The following CALN1 variants were observed in gnomAD, a reference collection of about 807,000 sequenced individuals.
CALN1 encodes calneuron 1.
A neutral mutation model predicts 30.6 loss-of-function variants in CALN1; 17 were observed. The ratio of observed to expected loss-of-function variants is 0.56; its 90% CI spans 0.38 to 0.83. The LOEUF is 0.83. Ranked by LOEUF, CALN1 falls within the 40% of genes least tolerant of loss-of-function variation. The pLI, the probability that CALN1 is intolerant of heterozygous loss-of-function variation, is 0.00. For synonymous variants in CALN1, 156 were observed against 131.4 expected (o/e 1.19, Z -1.28); for missense variants, 291 against 354.9 (o/e 0.82, Z 1.45).
chr7:71,911,986 T>C (rs1223514793), intron 5 of CALN1, among the ~76,000 whole-genome samples: 2 of 151,962 alleles, frequency 1.3e-5, no homozygotes, highest in African/African-American at 4.8e-5. Context: ...GGTCACTGAT[T>C]CCATAGGCTA....
intron 2 of CALN1, among the ~76,000 whole-genome samples, chr7:72,327,768 T>A (rs1215298371): frequency 6.6e-6 from 1 of 152,210 alleles, no homozygotes; most frequent in Non-Finnish European, 1.5e-5. Context: ...CTATTCTTCA[T>A]AAGTATAAAT....
At chr7:72,047,270 A>T (rs1204974701) in intron 4 of CALN1, among the ~76,000 whole-genome samples, 1 of 152,224 alleles carries the variant, frequency 6.6e-6, no homozygotes, top group Non-Finnish European at 1.5e-5. Context: ...TTGTCCACAA[A>T]TAGACATACG....
chr7:72,067,183 T>C (rs530547087), intron 4 of CALN1, among the ~76,000 whole-genome samples: 1 of 152,256 alleles, frequency 6.6e-6, no homozygotes, highest in East Asian at 1.9e-4. Context: ...GACGCAGAGA[T>C]GGGAAAATAG....
intron 6 of CALN1, among the ~76,000 whole-genome samples, chr7:71,789,993 A>G (rs533908186): frequency 2.0e-5 from 3 of 151,908 alleles, no homozygotes; most frequent in Admixed American, 1.3e-4. Context: ...AGTCCCAGCT[A>G]GTTGGGAGGC....
chr7:72,120,078 A>C (rs1475546381), intron 3 of CALN1, among the ~76,000 whole-genome samples: 1 of 152,096 alleles, frequency 6.6e-6, no homozygotes, highest in African/African-American at 2.4e-5. Flanking sequence ...CATAGTGTCT[A>C]ATAGGTAATT....
chr7:71,971,953 A>AAGAAAGAAAGAAAGAAAG (rs1797838362), intron 5 of CALN1, among the ~76,000 whole-genome samples: 1 of 72,820 alleles, frequency 1.4e-5, no homozygotes, highest in Non-Finnish European at 2.2e-5. Flanking sequence ...AAAAAAAAAA[A>AAGAAAGAAAGAAAGAAAG]AAAGAAAGAA....
At chr7:72,218,285 A>G (rs1268637585) in intron 3 of CALN1, among the ~76,000 whole-genome samples, 1 of 151,756 alleles carries the variant, frequency 6.6e-6, no homozygotes, top group East Asian at 2.0e-4. Context: ...CATCTCTACT[A>G]AAAATACAAA....
At chr7:71,927,358 C>A (rs1795322005) in intron 5 of CALN1, among the ~76,000 whole-genome samples, 2 of 152,106 alleles carry the variant, frequency 1.3e-5, no homozygotes, top group Non-Finnish European at 1.5e-5. Context: ...CACAGGCGTG[C>A]ACCACCATGC....
At position 71,933,898 on chromosome 7, in the gene CALN1, G is replaced by A. The variant is rs145333872; in HGVS notation, c.501+89759C>T. 2.4e-4 allele frequency among the ~76,000 whole-genome samples: 37 copies of A among 152,220 alleles called. No individual in the cohort carries two copies. The East Asian group carries it at 7.0e-3, about 29-fold the overall frequency. On this transcript the variant is annotated intron_variant, in intron 5 of 6. Transcript: ENST00000395275. ...TCAACACCAGGGCCAGGCAGGTGAC[G>A]TGAGTGAGTGACATGGGATGACTGC... is the stretch of plus-strand genomic sequence containing the variant.
At chr7:71,921,348 T>C (rs1029380222) in intron 5 of CALN1, among the ~76,000 whole-genome samples, 1 of 152,198 alleles carries the variant, frequency 6.6e-6, no homozygotes, top group Non-Finnish European at 1.5e-5. Context: ...ACCCCAAGAC[T>C]TAAAGTATAA....
intron 3 of CALN1, among the ~76,000 whole-genome samples, chr7:72,243,305 C>G (rs950604064): frequency 2.0e-5 from 3 of 152,202 alleles, no homozygotes; most frequent in African/African-American, 7.2e-5. Context: ...CGTCTTTAAT[C>G]TAGACTTCCT....
chr7:72,043,981 A>G (rs948876818), intron 4 of CALN1, among the ~76,000 whole-genome samples: 5 of 152,170 alleles, frequency 3.3e-5, no homozygotes, highest in Admixed American at 6.5e-5. Context: ...TAAAACCATC[A>G]GATCTTGTGA....
At chr7:72,084,272 G>A (rs1448727125) in intron 4 of CALN1, among the ~76,000 whole-genome samples, 1 of 152,034 alleles carries the variant, frequency 6.6e-6, no homozygotes, top group Non-Finnish European at 1.5e-5. Context: ...TTGTACAGGG[G>A]AAACCAAACC....
At chr7:72,162,010 TTA>T (rs748108587) in intron 3 of CALN1, among the ~76,000 whole-genome samples, 5 of 150,058 alleles carry the variant, frequency 3.3e-5, no homozygotes, top group Non-Finnish European at 4.4e-5. Context: ...TATATATATA[TTA>T]TATATATATA....
Position 72,306,493 on chromosome 7 carries a change from A to C in CALN1, c.120-27683T>G, listed in dbSNP as rs937375913. 2.0e-5 allele frequency among the ~76,000 whole-genome samples: 3 copies of C among 152,142 alleles called. No homozygotes were observed. In the East Asian group the frequency reaches 5.8e-4, roughly 29 times the overall value. On this transcript the variant is annotated intron_variant, in intron 2 of 6. Coordinates refer to ENST00000395275, the MANE Select transcript of CALN1 (RefSeq NM_031468.4). ...TTTAGACAAACTCAACCAATTGTCAATCAGAAGATGTTTAAATTTATGGTG... is the reference window on the plus strand; with the variant it reads ...TTTAGACAAACTCAACCAATTGTCACTCAGAAGATGTTTAAATTTATGGTG...
intron 4 of CALN1, among the ~76,000 whole-genome samples, chr7:72,096,211 A>T (rs760777385): frequency 4.6e-5 from 7 of 152,100 alleles, no homozygotes; most frequent in Non-Finnish European, 1.0e-4. Context: ...TGGACCACAC[A>T]TGGAGGAGAG....
At chr7:72,151,589 G>A (rs988927547) in intron 3 of CALN1, among the ~76,000 whole-genome samples, 1 of 152,090 alleles carries the variant, frequency 6.6e-6, no homozygotes, top group Non-Finnish European at 1.5e-5. Context: ...CCACTTGGGG[G>A]ACCCTTTCCA....
chr7:72,284,669 G>C (rs1373822258), intron 2 of CALN1, among the ~76,000 whole-genome samples: 1 of 152,152 alleles, frequency 6.6e-6, no homozygotes, highest in Non-Finnish European at 1.5e-5. Flanking sequence ...TTCACTATCT[G>C]ATTCTCAGGT....
chr7:72,004,878 C>T (rs931474687), intron 5 of CALN1, among the ~76,000 whole-genome samples: 6 of 152,136 alleles, frequency 3.9e-5, no homozygotes, highest in African/African-American at 1.4e-4. Flanking sequence ...CAGAAGAGGA[C>T]ATACAGATGG....
Sources: allele counts gnomAD v4.1 joint callset (sites outside exome capture counted in the v4.1 genomes callset), GRCh38; gene constraint gnomAD v4.1.1; transcripts MANE v1.5; gene names NCBI Gene and HGNC (gene_info 2026-07-23, HGNC 2026-07-21).